Variants in RAB3GAP2 observed in about 807,000 individuals in gnomAD.
RAB3GAP2 encodes rab3 GTPase-activating protein non-catalytic subunit.
Under a neutral mutation model 185.3 loss-of-function variants are expected in RAB3GAP2, and 87 were observed. The observed-to-expected ratio is 0.47, with a 90% confidence interval of 0.39 to 0.56. RAB3GAP2 has a LOEUF of 0.56. Among genes scored for constraint, RAB3GAP2 ranks in the 20% least tolerant of loss-of-function variants. RAB3GAP2 has a pLI of 0.00. For missense variants in RAB3GAP2, 1,492 were observed against 1,638.2 expected, an observed-to-expected ratio of 0.91 and a Z score of 1.54; for synonymous variants, 554 against 576.1, an observed-to-expected ratio of 0.96 and a Z score of 0.55.
At chr1:220,178,101 T>G (rs1658330087) in intron 21 of RAB3GAP2, among the ~76,000 whole-genome samples, 1 of 152,178 alleles carries the variant, frequency 6.6e-6, no homozygotes, top group Non-Finnish European at 1.5e-5. Context: ...AGCAGATTTC[T>G]CAGCAGAAAC....
chr1:220,156,559 C>T (rs1305439558), intron 31 of RAB3GAP2, among the ~76,000 whole-genome samples: 1 of 152,174 alleles, frequency 6.6e-6, no homozygotes, highest in African/African-American at 2.4e-5. Context: ...TTAAACCTGT[C>T]TCTTAGGAAG....
In RAB3GAP2 at chr1:220,157,268, A is replaced by C; in HGVS notation, c.3555+2T>G. The stretch of plus-strand genomic sequence containing the variant: ...AGCTCTGAAATCCTGTGAGGTACTT[A>C]CCTTACTGTCAAAAAGTGAAAGTGG... On this transcript the variant is annotated splice_donor_variant, in intron 31 of 34. Transcript: ENST00000358951. LOFTEE classifies it high-confidence loss of function. 1 of 1,611,604 alleles carries C rather than the reference A, an allele frequency of 6.2e-7. No homozygotes were observed. Among genetic ancestry groups the C allele is most frequent in the Non-Finnish European group, 8.5e-7 (1 of 1,177,826 alleles).
At position 220,158,315 on chromosome 1, in the gene RAB3GAP2, GA is replaced by G. The variant is rs2102852485; in HGVS notation, c.3262-440del. On this transcript the variant is annotated intron_variant, in intron 29 of 34. Coordinates refer to ENST00000358951, the MANE Select transcript of RAB3GAP2 (RefSeq NM_012414.4). The surrounding 1 kb of genome is among the most constrained non-coding windows in gnomAD (Gnocchi z 4.3). ...AGAGCGTCTTTTAGAGACTGAACCC[GA>G]CCCTCTGAGCAAAACTAGAATCCTC... Among the ~76,000 whole-genome samples, 1 of 152,166 alleles carries G rather than the reference GA, an allele frequency of 6.6e-6. No individual in the cohort carries two copies. Among genetic ancestry groups the G allele is most frequent in the African/African-American group, 2.4e-5 (1 of 41,520 alleles).
At chr1:220,265,380 T>C (rs1381034086) in intron 1 of RAB3GAP2, among the ~76,000 whole-genome samples, 1 of 152,076 alleles carries the variant, frequency 6.6e-6, no homozygotes, top group Non-Finnish European at 1.5e-5. Flanking sequence ...ACATTTTTAG[T>C]ATGTCAATAA....
At position 220,188,992 on chromosome 1, in the gene RAB3GAP2, G is replaced by A. The variant is rs555359088; in HGVS notation, c.1779+711C>T. Among the ~76,000 whole-genome samples the A allele has an allele frequency of 4.6e-5, 7 of 152,072 alleles. No individual in the cohort carries two copies. In the South Asian group the frequency reaches 1.5e-3, roughly 32 times the overall value. ...TGAAAAGGCAGGAAATGCATCAACA[G>A]GTTTCAAAGGAGCCACACAGGAATG... On this transcript the variant is annotated intron_variant, in intron 17 of 34. Transcript: ENST00000358951.
At chr1:220,177,639 C>T (rs184859698) in intron 21 of RAB3GAP2, among the ~76,000 whole-genome samples, 6 of 151,926 alleles carry the variant, frequency 3.9e-5, no homozygotes, top group Middle Eastern at 3.4e-3. Context: ...ATAGAAACCT[C>T]GGAGCTGAAA....
intron 3 of RAB3GAP2, 100 bp downstream of exon 3, chr1:220,213,754 GAA>G: frequency 8.8e-7 from 1 of 1,140,398 alleles, no homozygotes; most frequent in Non-Finnish European, 1.2e-6. Flanking sequence ...GAGAGAGAGA[GAA>G]ATAAATAAAT....
intron 1 of RAB3GAP2, among the ~76,000 whole-genome samples, chr1:220,236,357 A>G (rs917409398): frequency 3.9e-5 from 6 of 152,010 alleles, no homozygotes; most frequent in Admixed American, 1.3e-4. Flanking sequence ...TTGTATTTGT[A>G]GTAGAGACGG....
At chr1:220,191,709 T>C (rs1297919754) in intron 13 of RAB3GAP2, among the ~76,000 whole-genome samples, 2 of 151,894 alleles carry the variant, frequency 1.3e-5, no homozygotes, top group Non-Finnish European at 2.9e-5. Context: ...TCCCAGCTAC[T>C]TGGGAGGCTG....
intron 1 of RAB3GAP2, among the ~76,000 whole-genome samples, chr1:220,252,824 C>A (rs1322690351): frequency 1.3e-5 from 2 of 152,162 alleles, no homozygotes; most frequent in Non-Finnish European, 2.9e-5. Flanking sequence ...GTTTTACATA[C>A]TACAGCTGGG....
At chr1:220,164,712 T>G in intron 27 of RAB3GAP2, 21 bp downstream of exon 27, 1 of 1,595,292 alleles carries the variant, frequency 6.3e-7, no homozygotes, top group Non-Finnish European at 8.6e-7. Context: ...ACAGTGATGT[T>G]TCTAACATCT....
intron 1 of RAB3GAP2, among the ~76,000 whole-genome samples, chr1:220,240,261 C>T (rs1214038988): frequency 6.6e-6 from 1 of 152,110 alleles, no homozygotes; most frequent in African/African-American, 2.4e-5. Context: ...GGACAGCGTT[C>T]CAGCAATAAG....
chr1:220,216,440 T>C (rs779660132), intron 2 of RAB3GAP2, among the ~76,000 whole-genome samples: 18 of 152,212 alleles, frequency 1.2e-4, no homozygotes, highest in Non-Finnish European at 2.9e-5. Context: ...ATAGTCTTTG[T>C]TTACCCAACA....
rs1163270299 is a variant in RAB3GAP2 at position 220,171,138 on chromosome 1, G to A, written c.2578-18C>T. The A allele has an allele frequency of 6.2e-7, 1 of 1,603,596 alleles. No homozygotes were observed. Among genetic ancestry groups the A allele is most frequent in the Non-Finnish European group, 8.5e-7 (1 of 1,170,602 alleles). On this transcript the variant is annotated intron_variant, in intron 23 of 34. Coordinates refer to ENST00000358951, the MANE Select transcript of RAB3GAP2 (RefSeq NM_012414.4). ...TGGGAAAACTAATAAAAAATGCACT[G>A]GTGATTCTTTGCCAAAGATTCTGAA... is the stretch of plus-strand genomic sequence containing the variant.
chr1:220,250,630 G>A lies in RAB3GAP2; in HGVS notation c.116-17767C>T, dbSNP rs544001800. Among the ~76,000 whole-genome samples, 293 of 152,274 alleles carry A rather than the reference G, an allele frequency of 1.9e-3. 2 individuals carry two copies. The highest frequency in any genetic ancestry group is 2.0e-3 in the Non-Finnish European group (133 of 68,018). ...GATATGGTTTGGCCATGTCCCCACC[G>A]AAATCTCATCTTGAATTGTACTTCA... On this transcript the variant is annotated intron_variant, in intron 1 of 34. Coordinates refer to ENST00000358951, the MANE Select transcript of RAB3GAP2 (RefSeq NM_012414.4).
intron 14 of RAB3GAP2, 32 bp downstream of exon 14, chr1:220,191,036 T>C (rs1407752582): frequency 6.4e-7 from 1 of 1,561,262 alleles, no homozygotes; most frequent in South Asian, 1.1e-5. Flanking sequence ...TTTCATTTTG[T>C]AACCAGCACA....
chr1:220,270,043 A>G (rs1378392842), intron 1 of RAB3GAP2, among the ~76,000 whole-genome samples: 2 of 152,168 alleles, frequency 1.3e-5, no homozygotes, highest in African/African-American at 4.8e-5. Flanking sequence ...CCACTATCCT[A>G]CTGAAACTGT....
intron 31 of RAB3GAP2, among the ~76,000 whole-genome samples, chr1:220,154,634 A>G (rs1205207706): frequency 6.6e-6 from 1 of 152,070 alleles, no homozygotes. Flanking sequence ...CAACTGTGAG[A>G]TAATAAATAT....
chr1:220,266,622 A>G (rs146370576), intron 1 of RAB3GAP2: 1 of 1,202,238 alleles, frequency 8.3e-7, no homozygotes, highest in East Asian at 2.4e-5. Flanking sequence ...GCAGCAGTCA[A>G]TGGTAAAATA....
Sources: gnomAD v4.1 joint callset for allele counts (sites outside exome capture counted in the v4.1 genomes callset) on GRCh38, gnomAD v4.1.1 for gene constraint, Gnocchi (gnomAD v3.1) non-coding constraint, MANE v1.5 for transcripts, NCBI Gene and HGNC (gene_info 2026-07-23, HGNC 2026-07-21) for gene names.